The following SH3RF2 variants were observed in gnomAD, a reference collection of about 807,000 sequenced individuals.
SH3RF2 encodes the protein E3 ubiquitin-protein ligase SH3RF2.
Under a neutral mutation model 59.0 loss-of-function variants are expected in SH3RF2, and 43 were observed. That is an observed-to-expected ratio of 0.73 (90% CI 0.57 to 0.94). The LOEUF is 0.94. Ranked by LOEUF, SH3RF2 falls within the 40% of genes least tolerant of loss-of-function variation. The pLI is 0.00. For synonymous variants in SH3RF2, 391 were observed against 391.5 expected (o/e 1.00, Z 0.01); for missense variants, 930 against 940.1 (o/e 0.99, Z 0.14).
intron 5 of SH3RF2, among the ~76,000 whole-genome samples, chr5:146,022,351 G>A (rs1344739826): frequency 6.6e-6 from 1 of 152,130 alleles, no homozygotes; most frequent in East Asian, 1.9e-4. Flanking sequence ...GGGACTACAG[G>A]TGGGCACCAC....
rs1037964098 is a variant in SH3RF2, at chr5:146,053,710, C to A, written c.1323-2271C>A. ...CTTCTTCCTGTCCTCCTAATAAATA[C>A]CCTTCTGCCCAATTAGCCAGGATCT... On this transcript the variant is annotated intron_variant, in intron 7 of 9. Transcript: ENST00000359120. Among the ~76,000 whole-genome samples the A allele has an allele frequency of 7.2e-5, 11 of 152,264 alleles. No individual in the cohort carries two copies. The East Asian group carries it at 2.1e-3, about 29-fold the overall frequency.
chr5:146,064,457 ATTG>A (rs1185317264), downstream of SH3RF2, among the ~76,000 whole-genome samples: 5 of 151,516 alleles, frequency 3.3e-5, no homozygotes, highest in Non-Finnish European at 7.4e-5. Flanking sequence ...ATTAAACTTA[ATTG>A]TTGTGATTTA....
At chr5:146,058,033 T>A (rs1412909023) in intron 8 of SH3RF2, among the ~76,000 whole-genome samples, 1 of 151,544 alleles carries the variant, frequency 6.6e-6, no homozygotes, top group Admixed American at 6.6e-5. Flanking sequence ...ACACTCAGTC[T>A]AGACCACTTA....
intron 8 of SH3RF2, among the ~76,000 whole-genome samples, chr5:146,057,030 TAGA>T (rs1261854905): frequency 6.6e-6 from 1 of 152,236 alleles, no homozygotes; most frequent in African/African-American, 2.4e-5. Context: ...TATACCTCTG[TAGA>T]AGAAGACAAC....
rs148758037 is a variant in SH3RF2 at position 145,960,243 on chromosome 5, G to C, written c.378+21937G>C. On this transcript the variant is annotated intron_variant, in intron 2 of 9. Coordinates refer to ENST00000359120, the MANE Select transcript of SH3RF2 (RefSeq NM_152550.4). ...GTTCAACTTCTAAATTTTGAAGCAA[G>C]TTCTGCCACCTACCTAAACTTATAA... Among the ~76,000 whole-genome samples, 266 of 152,234 alleles carry C rather than the reference G, an allele frequency of 1.7e-3. 1 individual carries two copies. The highest frequency in any genetic ancestry group is 6.4e-3 in the African/African-American group (265 of 41,548).
intron 5 of SH3RF2, among the ~76,000 whole-genome samples, chr5:146,023,024 T>C (rs1237801539): frequency 6.6e-6 from 1 of 152,092 alleles, no homozygotes; most frequent in Non-Finnish European, 1.5e-5. Flanking sequence ...ATTAAACACA[T>C]TGCATTGAGT....
chr5:146,057,169 G>C (rs369367225), intron 8 of SH3RF2, among the ~76,000 whole-genome samples: 2 of 152,220 alleles, frequency 1.3e-5, no homozygotes, highest in Non-Finnish European at 2.9e-5. Context: ...ATACAGAAGA[G>C]TAACGTGTGG....
At chr5:145,947,785 G>A (rs1305340837) in intron 2 of SH3RF2, among the ~76,000 whole-genome samples, 2 of 152,140 alleles carry the variant, frequency 1.3e-5, no homozygotes, top group African/African-American at 4.8e-5. Context: ...TGTCTTTGAT[G>A]GGTAAAGTCC....
Position 146,062,727 on chromosome 5 carries a change from C to A in SH3RF2, c.*26C>A. 1.3e-6 allele frequency: 2 copies of A among 1,598,752 alleles called. No homozygotes were observed. Among genetic ancestry groups the A allele is most frequent in the African/African-American group, 2.7e-5 (2 of 74,722 alleles). On this transcript the variant is annotated 3_prime_UTR_variant, in exon 10 of 10. Coordinates refer to ENST00000359120, the MANE Select transcript of SH3RF2 (RefSeq NM_152550.4). ...ACCTACGGGTGGCTTTTCCTAGACC[C>A]CAAAGAGGTGAATTGCATTTAAATA... is the stretch of plus-strand genomic sequence containing the variant.
chr5:146,000,425 T>C lies in SH3RF2; in HGVS notation c.648+98T>C, dbSNP rs1180060849. The C allele has an allele frequency of 6.9e-6, 7 of 1,012,626 alleles. 1 individual carries two copies. The highest frequency in any genetic ancestry group is 2.6e-6 in the Non-Finnish European group (2 of 759,374). 62.7% of individuals were successfully genotyped at this position (1,012,626 alleles called of 1,614,324 possible). A position where few individuals can be genotyped will look rare whatever the true frequency, so the allele number is the denominator to read the frequency against. On this transcript the variant is annotated intron_variant, in intron 3 of 9. Transcript: ENST00000359120. Reference sequence around the variant, plus strand: ...AATATTTGCTGATTTTAAAAAATTGTATTTTAAATATATTATATTATTGTT... The same window carrying C: ...AATATTTGCTGATTTTAAAAAATTGCATTTTAAATATATTATATTATTGTT...
chr5:146,011,646 T>G (rs548761321), intron 4 of SH3RF2, among the ~76,000 whole-genome samples: 2 of 152,206 alleles, frequency 1.3e-5, no homozygotes, highest in African/African-American at 2.4e-5. Flanking sequence ...GAAGCAATTG[T>G]GAATGGGAGT....
intron 9 of SH3RF2, among the ~76,000 whole-genome samples, chr5:146,076,792 C>T (rs1005380455): frequency 2.6e-5 from 4 of 152,054 alleles, no homozygotes; most frequent in African/African-American, 7.2e-5. Flanking sequence ...GTCTCTGGAG[C>T]CAAAGATCTT....
In SH3RF2 at chr5:145,937,854, T is replaced by C; in HGVS notation, c.-75T>C. The C allele has an allele frequency of 6.6e-7, 1 of 1,525,406 alleles. No individual in the cohort carries two copies. The highest frequency in any genetic ancestry group is 2.3e-4 in the Middle Eastern group (1 of 4,354). 94.5% of individuals were successfully genotyped at this position (1,525,406 alleles called of 1,614,324 possible). A position where few individuals can be genotyped will look rare whatever the true frequency, so the allele number is the denominator to read the frequency against. ...ATTCTGACGTTCTCAAGAGACCAGC[T>C]CTGCCCCCGTGGCTCAACTGACCCT... On this transcript the variant is annotated 5_prime_UTR_variant, in exon 2 of 10. Coordinates refer to ENST00000359120, the MANE Select transcript of SH3RF2 (RefSeq NM_152550.4).
intron 5 of SH3RF2, among the ~76,000 whole-genome samples, chr5:146,032,227 T>C (rs1161380167): frequency 6.6e-6 from 1 of 152,142 alleles, no homozygotes; most frequent in Non-Finnish European, 1.5e-5. Flanking sequence ...TGTTGAAAAT[T>C]AGTGAAACAT....
chr5:146,075,124 G>T (rs1415346315), intron 9 of SH3RF2, among the ~76,000 whole-genome samples: 1 of 152,194 alleles, frequency 6.6e-6, no homozygotes, highest in Non-Finnish European at 1.5e-5. Context: ...AGAAACTCCA[G>T]TAACAAATGT....
chr5:146,074,583 A>C (rs377066058), intron 9 of SH3RF2, among the ~76,000 whole-genome samples: 2,626 of 152,156 alleles, frequency 0.017, 49 homozygotes, highest in African/African-American at 0.048. Context: ...CATCTAAAAA[A>C]AAAACAAAAC....
intron 4 of SH3RF2, among the ~76,000 whole-genome samples, chr5:146,011,186 T>C (rs1441130787): frequency 2.6e-5 from 4 of 152,170 alleles, no homozygotes. Flanking sequence ...GATCAGATGG[T>C]TGTAGATGTG....
At chr5:145,948,722 C>A (rs993979698) in intron 2 of SH3RF2, among the ~76,000 whole-genome samples, 4 of 152,190 alleles carry the variant, frequency 2.6e-5, no homozygotes, top group African/African-American at 9.7e-5. Context: ...ACCAGTGTAG[C>A]CTCTGTTCCT....
chr5:146,081,722 C>G (rs1561780003), exon 10 of SH3RF2: 1 of 152,108 alleles, frequency 6.6e-6, no homozygotes, highest in Non-Finnish European at 1.5e-5. Flanking sequence ...GCGTGTGAAG[C>G]CAAATATGTC....
Sources: gnomAD v4.1 joint callset for allele counts (sites outside exome capture counted in the v4.1 genomes callset) on GRCh38, gnomAD v4.1.1 for gene constraint, MANE v1.5 for transcripts, NCBI Gene and HGNC (gene_info 2026-07-23, HGNC 2026-07-21) for gene names.